NEK11: variants seen among roughly 807,000 people sequenced by gnomAD.
The protein encoded by NEK11 is serine/threonine-protein kinase Nek11.
In NEK11, 72 loss-of-function variants were observed where a neutral mutation model predicts 80.7. That is an observed-to-expected ratio of 0.89 (90% CI 0.74 to 1.08). The LOEUF (loss-of-function observed/expected upper bound fraction) is 1.08, where lower values mean the gene tolerates loss of function less well. Among genes scored for constraint, NEK11 ranks in the 50% least tolerant of loss-of-function variants. NEK11 has a pLI of 0.00. For synonymous variants in NEK11, 251 were observed against 260.7 expected, an observed-to-expected ratio of 0.96 and a Z score of 0.36; for missense variants, 764 against 763.6, an observed-to-expected ratio of 1.00 and a Z score of -0.01.
At chr3:131,131,365 T>C (rs1429743785) in intron 5 of NEK11, among the ~76,000 whole-genome samples, 1 of 152,182 alleles carries the variant, frequency 6.6e-6, no homozygotes, top group African/African-American at 2.4e-5. Context: ...TGTTTTTTAT[T>C]TGGAAACTTA....
intron 17 of NEK11, among the ~76,000 whole-genome samples, chr3:131,318,741 A>G (rs113505521): frequency 0.01 from 1,492 of 144,736 alleles, 19 homozygotes; most frequent in African/African-American, 0.033. Context: ...GTACATGTGT[A>G]TATATATATA....
In NEK11 at chr3:131,228,698, G is replaced by A. The variant is rs1175990102; in HGVS notation, c.1560+10G>A. On this transcript the variant is annotated intron_variant, in intron 15 of 17. Coordinates refer to ENST00000383366, the MANE Select transcript of NEK11 (RefSeq NM_024800.5). ...CAGAACAAACCAACAGGTATGTAAT[G>A]CTCCCTGTCGGAAGCCATGGAACTG... is the stretch of plus-strand genomic sequence containing the variant. 6.2e-7 allele frequency: 1 copy of A among 1,609,522 alleles called. No homozygotes were observed. Among genetic ancestry groups the A allele is most frequent in the Admixed American group, 1.7e-5 (1 of 59,760 alleles).
chr3:131,184,661 A>G (rs2093521508), intron 14 of NEK11: 5 of 621,122 alleles, frequency 8.0e-6, no homozygotes, highest in South Asian at 3.7e-5. Flanking sequence ...AGTTGTGTGC[A>G]TCACTGTTCA....
At chr3:131,071,344 T>C (rs2073262313) in intron 3 of NEK11, among the ~76,000 whole-genome samples, 1 of 152,086 alleles carries the variant, frequency 6.6e-6, no homozygotes, top group Admixed American at 6.6e-5. Context: ...TCTTTTCTTT[T>C]TTGGCAGGAG....
At chr3:131,338,985 T>C (rs1561626078) in intron 17 of NEK11, among the ~76,000 whole-genome samples, 1 of 152,014 alleles carries the variant, frequency 6.6e-6, no homozygotes. Context: ...TTGTTATATA[T>C]ATTTTTTTAT....
intron 14 of NEK11, among the ~76,000 whole-genome samples, chr3:131,174,377 C>T (rs191440762): frequency 1.1e-4 from 16 of 152,116 alleles, no homozygotes; most frequent in African/African-American, 3.1e-4. Context: ...CTTTCAGCAC[C>T]CAAAGGAAAT....
intron 15 of NEK11, among the ~76,000 whole-genome samples, chr3:131,235,629 C>T (rs933609900): frequency 1.3e-5 from 2 of 152,110 alleles, no homozygotes; most frequent in African/African-American, 4.8e-5. Context: ...TGGGAAAACA[C>T]CAGTCATAAT....
intron 4 of NEK11, among the ~76,000 whole-genome samples, chr3:131,094,165 C>T (rs925559054): frequency 2.0e-5 from 3 of 151,104 alleles, no homozygotes; most frequent in Non-Finnish European, 4.4e-5. Flanking sequence ...TTGGTATGAT[C>T]TTTTTCAGTG....
intron 3 of NEK11, among the ~76,000 whole-genome samples, chr3:131,046,290 G>A (rs967499319): frequency 6.6e-6 from 1 of 152,146 alleles, no homozygotes; most frequent in African/African-American, 2.4e-5. Flanking sequence ...AGTTCTTACA[G>A]TGCTGGCTTG....
chr3:131,259,872 G>A (rs994996867), intron 16 of NEK11, among the ~76,000 whole-genome samples: 2 of 152,178 alleles, frequency 1.3e-5, no homozygotes, highest in African/African-American at 4.8e-5. Context: ...GATCTGCATA[G>A]TGCATCTCCA....
chr3:131,277,352 C>T (rs2096310872), intron 17 of NEK11, among the ~76,000 whole-genome samples: 1 of 152,166 alleles, frequency 6.6e-6, no homozygotes, highest in Non-Finnish European at 1.5e-5. Flanking sequence ...GACACTTTCC[C>T]TTGGATGTCC....
intron 10 of NEK11, among the ~76,000 whole-genome samples, chr3:131,159,961 T>C (rs1441792390): frequency 6.6e-6 from 1 of 151,710 alleles, no homozygotes; most frequent in Non-Finnish European, 1.5e-5. Flanking sequence ...GTGGGGAAAA[T>C]TGAAGCAATT....
intron 17 of NEK11, among the ~76,000 whole-genome samples, chr3:131,345,725 TC>T (rs2110502594): frequency 6.6e-6 from 1 of 152,154 alleles, no homozygotes; most frequent in Non-Finnish European, 1.5e-5. Flanking sequence ...TAAAGATATC[TC>T]CCATGTTCAT....
intron 9 of NEK11, among the ~76,000 whole-genome samples, chr3:131,152,951 G>A (rs989988409): frequency 1.3e-5 from 2 of 152,144 alleles, no homozygotes; most frequent in Non-Finnish European, 2.9e-5. Flanking sequence ...GCTGGGCGTG[G>A]TGGTGCGTGT....
At chr3:131,110,148 G>T (rs1434946454) in intron 5 of NEK11, among the ~76,000 whole-genome samples, 1 of 152,132 alleles carries the variant, frequency 6.6e-6, no homozygotes, top group Non-Finnish European at 1.5e-5. Flanking sequence ...AGTTGGCCTT[G>T]AATATAAGAC....
At chr3:131,315,544 CT>C (rs201472590) in intron 17 of NEK11, among the ~76,000 whole-genome samples, 18,979 of 143,314 alleles carry the variant, frequency 0.13, 1,773 homozygotes, top group East Asian at 0.3. Context: ...TGCCATGCTT[CT>C]TTTTTTTTTT....
intron 4 of NEK11, among the ~76,000 whole-genome samples, chr3:131,100,886 G>T (rs985725889): frequency 3.3e-5 from 5 of 151,992 alleles, no homozygotes; most frequent in African/African-American, 1.2e-4. Context: ...TTTTTTGGTT[G>T]GTAGGTTTTA....
chr3:131,058,924 C>T (rs2070239724), intron 3 of NEK11, among the ~76,000 whole-genome samples: 2 of 152,078 alleles, frequency 1.3e-5, no homozygotes, highest in African/African-American at 4.8e-5. Context: ...AGAAAATTTC[C>T]ATTTTCCGTA....
At chr3:131,138,721 A>G (rs2086184699) in intron 7 of NEK11, among the ~76,000 whole-genome samples, 1 of 152,166 alleles carries the variant, frequency 6.6e-6, no homozygotes, top group African/African-American at 2.4e-5. Flanking sequence ...AAGGGAAGAG[A>G]ACAAGAGTCT....
Sources: gnomAD v4.1 joint callset for allele counts (sites outside exome capture counted in the v4.1 genomes callset) on GRCh38, gnomAD v4.1.1 for gene constraint, MANE v1.5 for transcripts, NCBI Gene and HGNC (gene_info 2026-07-23, HGNC 2026-07-21) for gene names.